Variants in SMC1B observed in about 807,000 individuals in gnomAD.
SMC1B encodes the protein structural maintenance of chromosomes protein 1B.
In SMC1B, 60 loss-of-function variants were observed where a neutral mutation model predicts 157.9. That is an observed-to-expected ratio of 0.38 (90% confidence interval 0.31 to 0.47). The LOEUF (loss-of-function observed/expected upper bound fraction) is 0.47. Ranked by LOEUF, SMC1B falls within the 20% of genes least tolerant of loss-of-function variation. The pLI, the probability that SMC1B is intolerant of heterozygous loss-of-function variation, is 0.99. For missense variants in SMC1B, 1,165 were observed against 1,426.2 expected (o/e 0.82, Z 2.95); for synonymous variants, 445 against 483.0 (o/e 0.92, Z 1.03).
intron 11 of SMC1B, among the ~76,000 whole-genome samples, chr22:45,386,520 T>C (rs1221060162): frequency 6.6e-6 from 1 of 152,046 alleles, no homozygotes; most frequent in Non-Finnish European, 1.5e-5. Flanking sequence ...ACCCAAAATC[T>C]TTCCTGGTAT....
At position 45,344,543 on chromosome 22, in the gene SMC1B, T is replaced by A; in HGVS notation, c.*13A>T. 6.3e-7 allele frequency: 1 copy of A among 1,589,806 alleles called. No homozygotes were observed. Among genetic ancestry groups the A allele is most frequent in the Non-Finnish European group, 8.6e-7 (1 of 1,157,956 alleles). ...AACTGAACAGTGATCAGGTGACTGC[T>A]GCAGGACTGCCCCTAGCGGGACTCT... On this transcript the variant is annotated 3_prime_UTR_variant, in exon 25 of 25. Coordinates refer to ENST00000357450, the MANE Select transcript of SMC1B (RefSeq NM_148674.5).
At chr22:45,363,210 A>C (rs1401073159) in intron 15 of SMC1B, among the ~76,000 whole-genome samples, 184 bp from the exon 16 acceptor site, 1 of 152,140 alleles carries the variant, frequency 6.6e-6, no homozygotes, top group African/African-American at 2.4e-5. Context: ...TAACTCCACT[A>C]ATTGACCCTC....
chr22:45,408,063 A>T (rs1026990478), intron 2 of SMC1B, among the ~76,000 whole-genome samples: 1 of 152,166 alleles, frequency 6.6e-6, no homozygotes, highest in African/African-American at 2.4e-5. Context: ...AAAACTGATA[A>T]ACATAAAGAA....
chr22:45,391,788 T>G (rs904628998), intron 9 of SMC1B, among the ~76,000 whole-genome samples: 1 of 152,186 alleles, frequency 6.6e-6, no homozygotes, highest in Non-Finnish European at 1.5e-5. Flanking sequence ...AGTTTTTAAT[T>G]AATATCCCAT....
At chr22:45,356,716 A>C (rs1003961521) in intron 19 of SMC1B, among the ~76,000 whole-genome samples, 6 of 145,316 alleles carry the variant, frequency 4.1e-5, no homozygotes, top group African/African-American at 1.5e-4. Flanking sequence ...GAAATACTTA[A>C]TTTTTCTTTT....
chr22:45,394,254 G>A (rs1365769120), intron 8 of SMC1B, among the ~76,000 whole-genome samples: 5 of 152,064 alleles, frequency 3.3e-5, no homozygotes, highest in Non-Finnish European at 7.4e-5. Context: ...GAGCCCAGTG[G>A]GTGCAGGCTG....
chr22:45,358,669 TG>T (rs762068671), intron 19 of SMC1B, 27 bp downstream of exon 19: 19 of 1,316,534 alleles, frequency 1.4e-5, no homozygotes, highest in Non-Finnish European at 1.8e-5. Flanking sequence ...TTACTGTGAG[TG>T]ATAAACAACA....
chr22:45,356,267 T>TA (rs1372502442), intron 19 of SMC1B, among the ~76,000 whole-genome samples: 3 of 152,204 alleles, frequency 2.0e-5, no homozygotes, highest in Non-Finnish European at 4.4e-5. Flanking sequence ...TGGTCTAAGG[T>TA]AAAGTCCACC....
intron 19 of SMC1B, among the ~76,000 whole-genome samples, chr22:45,355,816 T>G (rs1328453013): frequency 6.6e-6 from 1 of 152,202 alleles, no homozygotes; most frequent in Non-Finnish European, 1.5e-5. Flanking sequence ...ATGCCTGTAA[T>G]CCCAGCACTT....
At chr22:45,354,192 C>T in intron 20 of SMC1B, 60 bp from the exon 21 acceptor site, 1 of 1,299,252 alleles carries the variant, frequency 7.7e-7, no homozygotes, top group Non-Finnish European at 1.0e-6. Context: ...TTTACTTAAA[C>T]TGTAAAGCAT....
chr22:45,364,824 C>CTTT (rs202166311), intron 15 of SMC1B, among the ~76,000 whole-genome samples: 5 of 105,508 alleles, frequency 4.7e-5, no homozygotes, highest in Admixed American at 1.0e-4. Flanking sequence ...ATCTCTTTTC[C>CTTT]TTTTTTTTTT....
chr22:45,359,653 C>G, intron 18 of SMC1B, 152 bp downstream of exon 18: 3 of 696,508 alleles, frequency 4.3e-6, no homozygotes, highest in Non-Finnish European at 6.9e-6. Context: ...GGCCCTAGTC[C>G]TCTGAGATGA....
At chr22:45,369,064 TG>T (rs995002517) in intron 15 of SMC1B, among the ~76,000 whole-genome samples, 1 of 152,164 alleles carries the variant, frequency 6.6e-6, no homozygotes, top group Non-Finnish European at 1.5e-5. Flanking sequence ...TCTACATATA[TG>T]AATATTTACA....
intron 22 of SMC1B, among the ~76,000 whole-genome samples, chr22:45,350,742 T>C (rs181904619): frequency 2.0e-5 from 3 of 152,134 alleles, no homozygotes; most frequent in African/African-American, 7.2e-5. Flanking sequence ...CTCTTATTAC[T>C]CTAGTTGATT....
intron 22 of SMC1B, 129 bp from the exon 23 acceptor site, chr22:45,349,926 C>T (rs1383454170): frequency 5.6e-6 from 4 of 714,166 alleles, no homozygotes; most frequent in South Asian, 1.9e-5. Flanking sequence ...TAATCGGTGA[C>T]CTCTATGTTA....
chr22:45,390,585 G>T (rs1437308475), intron 9 of SMC1B, among the ~76,000 whole-genome samples: 1 of 152,072 alleles, frequency 6.6e-6, no homozygotes, highest in Non-Finnish European at 1.5e-5. Context: ...CACGCCTGCA[G>T]TTCCAGCTGC....
chr22:45,403,450 CTGTT>C (rs34642361), intron 4 of SMC1B, among the ~76,000 whole-genome samples: 1,984 of 151,180 alleles, frequency 0.013, 42 homozygotes, highest in African/African-American at 0.045. Flanking sequence ...ATCCCTGATC[CTGTT>C]TGTTTGTTTG....
chr22:45,406,343 T>C (rs2087259330), intron 4 of SMC1B, 117 bp downstream of exon 4: 2 of 794,784 alleles, frequency 2.5e-6, no homozygotes, highest in Non-Finnish European at 1.9e-6. Flanking sequence ...TATTGGGCTT[T>C]AATTGTCTTA....
chr22:45,356,177 T>C (rs900521756), intron 19 of SMC1B, among the ~76,000 whole-genome samples: 1 of 152,054 alleles, frequency 6.6e-6, no homozygotes, highest in African/African-American at 2.4e-5. Context: ...TTTTTTGTAA[T>C]GCAGCACATG....
Sources: allele counts gnomAD v4.1 joint callset (sites outside exome capture counted in the v4.1 genomes callset), GRCh38; gene constraint gnomAD v4.1.1; transcripts MANE v1.5; gene names NCBI Gene and HGNC (gene_info 2026-07-23, HGNC 2026-07-21).